Variants in ARID4B observed in about 807,000 individuals in gnomAD.
ARID4B encodes AT-rich interaction domain 4B, also known as AT-rich interactive domain-containing protein 4B.
ARID4B carries 26 observed loss-of-function variants against 147.5 expected under a neutral mutation model. The observed-to-expected ratio is 0.18, with a 90% CI of 0.13 to 0.24. ARID4B has a LOEUF of 0.24. Ranked by LOEUF, ARID4B falls within the 10% of genes least tolerant of loss-of-function variation. The pLI is 1.00. For missense variants in ARID4B, 1,179 were observed against 1,511.5 expected, an observed-to-expected ratio of 0.78 and a Z score of 3.65; for synonymous variants, 512 against 507.9, an observed-to-expected ratio of 1.01 and a Z score of -0.11.
intron 8 of ARID4B, among the ~76,000 whole-genome samples, chr1:235,236,701 T>G (rs575727518): frequency 1.3e-5 from 2 of 149,616 alleles, no homozygotes; most frequent in Admixed American, 1.3e-4. Context: ...TTAGTAAAGA[T>G]AGGGTTTCAC....
chr1:235,317,041 A>C (rs1424476403), intron 2 of ARID4B, among the ~76,000 whole-genome samples: 2 of 152,236 alleles, frequency 1.3e-5, no homozygotes, highest in Non-Finnish European at 2.9e-5. Flanking sequence ...TTCTGGTCCC[A>C]AGCATTTCAG....
At chr1:235,178,489 A>AT (rs1253367643) in intron 20 of ARID4B, among the ~76,000 whole-genome samples, 1 of 152,084 alleles carries the variant, frequency 6.6e-6, no homozygotes, top group African/African-American at 2.4e-5. Context: ...GTTCTAAAAA[A>AT]CGTCTCATCT....
intron 16 of ARID4B, among the ~76,000 whole-genome samples, chr1:235,217,825 C>T (rs1487666974): frequency 6.6e-6 from 1 of 152,040 alleles, no homozygotes; most frequent in Non-Finnish European, 1.5e-5. Context: ...TCTAATAAAA[C>T]TCAAAAATCA....
At chr1:235,302,863 T>C (rs1342813855) in intron 2 of ARID4B, among the ~76,000 whole-genome samples, 2 of 152,234 alleles carry the variant, frequency 1.3e-5, no homozygotes, top group South Asian at 4.1e-4. Context: ...ATTACTTGCC[T>C]AACATCACAA....
At chr1:235,293,240 CTA>C (rs1465236248) in intron 2 of ARID4B, among the ~76,000 whole-genome samples, 4 of 152,138 alleles carry the variant, frequency 2.6e-5, no homozygotes, top group Admixed American at 6.5e-5. Context: ...ATATATGCTA[CTA>C]GAGGATTTCC....
In ARID4B at chr1:235,183,765, T is replaced by C. The variant is rs560286338; in HGVS notation, c.2126-972A>G. ...TCTTTCCCTCCCTGCCTCCCTTCCT[T>C]TCTCTTTCCTTTCTCTTTCTTTATT... On this transcript the variant is annotated intron_variant, in intron 19 of 23. Coordinates refer to ENST00000264183, the MANE Select transcript of ARID4B (RefSeq NM_016374.6). 1.7e-3 allele frequency among the ~76,000 whole-genome samples: 194 copies of C among 113,204 alleles called. 1 individual carries two copies. Among genetic ancestry groups the C allele is most frequent in the African/African-American group, 6.5e-3 (190 of 29,150 alleles). The allele number at this position is 113,204 out of a possible 152,430, so 74.3% of individuals were successfully genotyped here. A position where few individuals can be genotyped will look rare whatever the true frequency, so the allele number is the denominator to read the frequency against.
rs1460353028 is a variant in ARID4B, at chr1:235,182,299, T to A, written c.2620A>T (p.Thr874Ser). The change falls in exon 20 of 24, where the codon ACA becomes TCA. Residue 874 changes from threonine (T) to serine (S), a missense_variant. Thr to Ser is a moderately conservative substitution (Grantham distance 58, BLOSUM62 1). Coordinates refer to ENST00000264183, the MANE Select transcript of ARID4B (RefSeq NM_016374.6). ...AAACCATTGTATTTCTTAGTTGGTG[T>A]CATCTTTGCTTTTGTTTCTTCTTCA... The part of the protein sequence containing the change: ...EDEEETKAKM[T>S]PTKKYNGLEE... 1 of 1,613,990 alleles carries A rather than the reference T, an allele frequency of 6.2e-7. No homozygotes were observed.
intron 2 of ARID4B, among the ~76,000 whole-genome samples, chr1:235,300,144 A>G (rs1395566338): frequency 6.6e-6 from 1 of 152,192 alleles, no homozygotes; most frequent in African/African-American, 2.4e-5. Context: ...GGCCAGGCAC[A>G]GTGGCTCATA....
intron 2 of ARID4B, among the ~76,000 whole-genome samples, chr1:235,309,120 C>A (rs1433056769): frequency 6.8e-6 from 1 of 146,296 alleles, no homozygotes; most frequent in Non-Finnish European, 1.5e-5. Flanking sequence ...AGCACCTCTG[C>A]CCCGCCGCCC....
At chr1:235,174,989 C>A in intron 22 of ARID4B, among the ~76,000 whole-genome samples, 195 bp downstream of exon 22, 1 of 152,090 alleles carries the variant, frequency 6.6e-6, no homozygotes, top group East Asian at 1.9e-4. Flanking sequence ...GCCTGTAATC[C>A]CAGCTACTTG....
chr1:235,312,557 T>G (rs1467688050), intron 2 of ARID4B, among the ~76,000 whole-genome samples: 2 of 152,204 alleles, frequency 1.3e-5, no homozygotes, highest in Admixed American at 1.3e-4. Context: ...AGAACTAGTT[T>G]AGAAAAATAT....
At chr1:235,310,923 AGCCTACCAAACT>A (rs1674002320) in intron 2 of ARID4B, among the ~76,000 whole-genome samples, 1 of 152,108 alleles carries the variant, frequency 6.6e-6, no homozygotes, top group Admixed American at 6.6e-5. Context: ...CACCCATATC[AGCCTACCAAACT>A]GCTGGGATTA....
intron 19 of ARID4B, among the ~76,000 whole-genome samples, chr1:235,188,411 G>A (rs140759138): frequency 2.4e-3 from 363 of 152,148 alleles, no homozygotes; most frequent in Middle Eastern, 3.4e-3. Flanking sequence ...AGGGCAGTGG[G>A]GAGCCTCATA....
At chr1:235,321,941 T>C (rs189121240) in intron 2 of ARID4B, among the ~76,000 whole-genome samples, 119 of 152,324 alleles carry the variant, frequency 7.8e-4, no homozygotes, top group Non-Finnish European at 3.1e-4. Context: ...GTTTTTGCAG[T>C]GGCCTGATCT....
chr1:235,193,065 G>C (rs935946996), intron 19 of ARID4B, among the ~76,000 whole-genome samples: 2 of 150,452 alleles, frequency 1.3e-5, no homozygotes, highest in Non-Finnish European at 3.0e-5. Context: ...CTGCACTCCA[G>C]CCTGGGTGAC....
At position 235,218,693 on chromosome 1, in the gene ARID4B, C is replaced by T. The variant is rs141198648; in HGVS notation, c.1583+1100G>A. Among the ~76,000 whole-genome samples the T allele has an allele frequency of 2.6e-3, 399 of 152,160 alleles. 2 individuals are homozygous for T. The highest frequency in any genetic ancestry group is 0.024 in the Middle Eastern group (7 of 294). On this transcript the variant is annotated intron_variant, in intron 16 of 23. Coordinates refer to ENST00000264183, the MANE Select transcript of ARID4B (RefSeq NM_016374.6). ...CTGAAATCTTTACTGTTTCTTAATACTTGAAATAGTCTCCAACAGCAGTAA... is the reference window on the plus strand; with the variant it reads ...CTGAAATCTTTACTGTTTCTTAATATTTGAAATAGTCTCCAACAGCAGTAA...
At chr1:235,288,853 A>C (rs930406410) in intron 2 of ARID4B, among the ~76,000 whole-genome samples, 1 of 152,112 alleles carries the variant, frequency 6.6e-6, no homozygotes, top group Non-Finnish European at 1.5e-5. Flanking sequence ...AAAAAAGAAG[A>C]CTCTTAGTTA....
At chr1:235,229,000 G>T in intron 11 of ARID4B, 1 of 461,938 alleles carries the variant, frequency 2.2e-6, no homozygotes, top group Non-Finnish European at 3.7e-6. Context: ...ACTAAGACAT[G>T]TTTTTGAGGT....
At chr1:235,257,015 A>G (rs1670027477) in intron 4 of ARID4B, 145 bp downstream of exon 4, 4 of 644,430 alleles carry the variant, frequency 6.2e-6, no homozygotes, top group Non-Finnish European at 1.1e-5. Flanking sequence ...CACTGAGATT[A>G]AGTCTATTTT....
Sources: gnomAD v4.1 joint callset for allele counts (sites outside exome capture counted in the v4.1 genomes callset) on GRCh38, gnomAD v4.1.1 for gene constraint, MANE v1.5 for transcripts, NCBI Gene and HGNC (gene_info 2026-07-23, HGNC 2026-07-21) for gene names.